The following DOP1A variants were observed in gnomAD, a reference collection of about 807,000 sequenced individuals.
DOP1A encodes DOP1 leucine zipper like protein A.
Under a neutral mutation model 267.6 loss-of-function variants are expected in DOP1A, and 90 were observed. The ratio of observed to expected loss-of-function variants is 0.34; its 90% CI spans 0.28 to 0.40. The LOEUF is 0.40. Among genes scored for constraint, DOP1A ranks in the 10% least tolerant of loss-of-function variants. DOP1A has a pLI of 1.00. For missense variants in DOP1A, 2,437 were observed against 2,900.4 expected (o/e 0.84, Z 3.67); for synonymous variants, 932 against 999.1 (o/e 0.93, Z 1.27).
Position 83,124,801 on chromosome 6 carries a change from G to A in DOP1A, c.1437G>A (p.Leu479=). ...LTNFCLLVDF[L]LDIVSLPTRS... is the part of the protein sequence containing the mutation. ...ATTTCTGCTTACTGGTGGATTTTTT[G>A]TTGGACATAGTTTCTTTGGTAAGAC... Residue 479 remains leucine (L), a synonymous_variant, in exon 13 of 39, where the codon TTG becomes TTA. Transcript: ENST00000349129. 2.5e-6 allele frequency: 4 copies of A among 1,612,582 alleles called. No individual in the cohort carries two copies. Among genetic ancestry groups the A allele is most frequent in the Middle Eastern group, 3.3e-4 (2 of 6,052 alleles).
chr6:83,170,212 A>T, downstream of DOP1A: 12 of 1,163,042 alleles, frequency 1.0e-5, no homozygotes, highest in Non-Finnish European at 1.5e-5. Flanking sequence ...TAAAGCCTTA[A>T]TCATCATAGT....
chr6:83,119,902 G>C lies in DOP1A; in HGVS notation c.990+45G>C, dbSNP rs568921692. On this transcript the variant is annotated intron_variant, in intron 9 of 38. Transcript: ENST00000349129. ...TTCTTTGGTTACTTACTGACCACTA[G>C]AGGTAGTGAAAAAGTGTAAGACGAG... The C allele has an allele frequency of 1.2e-5, 18 of 1,496,994 alleles. No individual in the cohort carries two copies. In the South Asian group the frequency reaches 2.1e-4, roughly 17 times the overall value. The allele number at this position is 1,496,994 out of a possible 1,614,324, so 92.7% of individuals were successfully genotyped here. A position where few individuals can be genotyped will look rare whatever the true frequency, so the allele number is the denominator to read the frequency against.
chr6:83,115,394 A>G (rs1775243545), intron 7 of DOP1A, among the ~76,000 whole-genome samples: 1 of 152,196 alleles, frequency 6.6e-6, no homozygotes, highest in African/African-American at 2.4e-5. Flanking sequence ...TACAGTGAGA[A>G]CACTTAAAAT....
chr6:83,101,170 C>A (rs964883596), intron 4 of DOP1A, among the ~76,000 whole-genome samples: 1 of 152,180 alleles, frequency 6.6e-6, no homozygotes, highest in South Asian at 2.1e-4. Context: ...CGCCCGCCAC[C>A]ACGCCCGACT....
chr6:83,148,775 T>G lies in DOP1A; in HGVS notation c.5749T>G (p.Leu1917Val), dbSNP rs781093072. The part of the protein sequence containing the change: ...AYIQRIPVPN[L>V]VDSWASLLIL... ...ATCTTGCAGAATTCCAGTGCCCAAT[T>G]TAGTGGATAGCTGGGCGTCACTGTT... Residue 1917 changes from leucine (L) to valine (V), a missense_variant, in exon 27 of 39, where the codon TTA becomes GTA. By Grantham distance (32) the Leu-to-Val change is conservative. Transcript: ENST00000349129. 7 of 1,554,596 alleles carry G rather than the reference T, an allele frequency of 4.5e-6. No individual in the cohort carries two copies.
In DOP1A at chr6:83,154,258, G is replaced by A. The variant is rs1782284887; in HGVS notation, c.6451+17G>A. 6.2e-7 allele frequency: 1 copy of A among 1,606,888 alleles called. No individual in the cohort carries two copies. The highest frequency in any genetic ancestry group is 1.7e-5 in the Admixed American group (1 of 59,968). ...ATTTGATGAGTGAGTATTACGGGAT[G>A]ACAATCCAAGTTCTTTCCTGTACAT... On this transcript the variant is annotated intron_variant, in intron 33 of 38. Transcript: ENST00000349129.
chr6:83,135,027 CCTTTA>C (rs1404949529), intron 19 of DOP1A, among the ~76,000 whole-genome samples: 1 of 152,062 alleles, frequency 6.6e-6, no homozygotes, highest in African/African-American at 2.4e-5. Context: ...ATATATTGAA[CCTTTA>C]CTTTATAAAT....
intron 1 of DOP1A, among the ~76,000 whole-genome samples, chr6:83,079,977 G>A (rs1767805940): frequency 6.6e-6 from 1 of 151,948 alleles, no homozygotes; most frequent in African/African-American, 2.4e-5. Context: ...CTTACCTTCT[G>A]CTGTATATAA....
intron 17 of DOP1A, among the ~76,000 whole-genome samples, chr6:83,131,259 A>G (rs1023436870): frequency 1.3e-5 from 2 of 152,012 alleles, no homozygotes; most frequent in Non-Finnish European, 2.9e-5. Flanking sequence ...ACATTAAAAA[A>G]AAGTTTAAAA....
intron 3 of DOP1A, among the ~76,000 whole-genome samples, chr6:83,097,580 C>T (rs1401089284): frequency 6.6e-6 from 1 of 152,158 alleles, no homozygotes; most frequent in African/African-American, 2.4e-5. Flanking sequence ...TTTACAAAGG[C>T]GAGTATATAC....
At chr6:83,070,674 T>G (rs1785431221) in intron 1 of DOP1A, among the ~76,000 whole-genome samples, 1 of 152,186 alleles carries the variant, frequency 6.6e-6, no homozygotes, top group Admixed American at 6.5e-5. Context: ...AACCTTTTTT[T>G]GATTACCTCA....
Position 83,151,608 on chromosome 6 carries a change from T to C in DOP1A, c.5853T>C (p.Phe1951=). ...QFLILGVLNE[F]IMKNPSLENK... ...GCCCTTTTAGGGTTCTGAATGAGTT[T>C]ATTATGAAAAACCCTAGTTTGGAAA... is the stretch of plus-strand genomic sequence containing the variant. The change falls in exon 28 of 39, where the codon TTT becomes TTC. Residue 1951 remains phenylalanine, a synonymous_variant. Transcript: ENST00000349129. 6.2e-7 allele frequency: 1 copy of C among 1,608,390 alleles called. No individual in the cohort carries two copies. The highest frequency in any genetic ancestry group is 1.1e-5 in the South Asian group (1 of 89,372).
In DOP1A at chr6:83,135,715, T is replaced by C. The variant is rs764292722; in HGVS notation, c.2967T>C (p.Asp989=). The part of the protein sequence containing the change: ...AWLNQVLQRH[D]IARVLEPLLL... ...TGAACCAAGTCCTACAAAGACATGA[T>C]ATTGCACGAGTTTTGGAACCATTGC... Residue 989 remains aspartate, a synonymous_variant, in exon 20 of 39, where the codon GAT becomes GAC. Transcript: ENST00000349129. The C allele has an allele frequency of 9.3e-6, 15 of 1,613,568 alleles. No homozygotes were observed. The highest frequency in any genetic ancestry group is 1.3e-5 in the Non-Finnish European group (15 of 1,179,734).
At chr6:83,087,859 G>C (rs1024888429) in intron 1 of DOP1A, among the ~76,000 whole-genome samples, 3 of 150,016 alleles carry the variant, frequency 2.0e-5, no homozygotes, top group African/African-American at 7.5e-5. Flanking sequence ...TTGTTTTTTT[G>C]TTTGTTTGTT....
At chr6:83,142,129 G>A (rs990167759) in intron 24 of DOP1A, 83 bp downstream of exon 24, 3 of 1,507,164 alleles carry the variant, frequency 2.0e-6, no homozygotes, top group African/African-American at 1.4e-5. Context: ...TATTGCAGTG[G>A]GGCCGGGGTA....
intron 3 of DOP1A, among the ~76,000 whole-genome samples, chr6:83,100,132 A>G (rs1221514772): frequency 1.3e-5 from 2 of 152,204 alleles, no homozygotes; most frequent in Non-Finnish European, 2.9e-5. Context: ...TTATGGTTGA[A>G]TAAATAAAAC....
At chr6:83,088,175 C>CA in intron 1 of DOP1A, among the ~76,000 whole-genome samples, 1 of 151,520 alleles carries the variant, frequency 6.6e-6, no homozygotes, top group East Asian at 2.0e-4. Context: ...CCCGGCCAAC[C>CA]ATTGATGGGT....
At chr6:83,105,222 T>C (rs1773370718) in intron 4 of DOP1A, among the ~76,000 whole-genome samples, 1 of 152,144 alleles carries the variant, frequency 6.6e-6, no homozygotes, top group Non-Finnish European at 1.5e-5. Flanking sequence ...ACAGATAGTA[T>C]ACCCTTAATA....
At chr6:83,150,535 G>C (rs1170283910) in intron 27 of DOP1A, among the ~76,000 whole-genome samples, 2 of 152,028 alleles carry the variant, frequency 1.3e-5, no homozygotes, top group Non-Finnish European at 2.9e-5. Context: ...AAATTTGTCA[G>C]TTTACCTTTT....
Sources: gnomAD v4.1 joint callset for allele counts (sites outside exome capture counted in the v4.1 genomes callset) on GRCh38, gnomAD v4.1.1 for gene constraint, MANE v1.5 for transcripts, NCBI Gene and HGNC (gene_info 2026-07-23, HGNC 2026-07-21) for gene names.